CNTLN: variants seen among roughly 807,000 people sequenced by gnomAD.
The protein encoded by CNTLN is centlein, also known as centlein, centrosomal protein.
A neutral mutation model predicts 180.0 loss-of-function variants in CNTLN; 212 were observed. That is an observed-to-expected ratio of 1.18 (90% CI 1.05 to 1.32). The LOEUF is 1.32. Ranked by LOEUF, CNTLN falls within the 40% of genes most tolerant of loss-of-function variation. The pLI is 0.00. For synonymous variants in CNTLN, 722 were observed against 563.1 expected (o/e 1.28, Z -3.99); for missense variants, 2,095 against 1,610.9 (o/e 1.30, Z -5.14).
At chr9:17,223,889 T>C (rs1363377342) in intron 2 of CNTLN, among the ~76,000 whole-genome samples, 1 of 152,008 alleles carries the variant, frequency 6.6e-6, no homozygotes, top group African/African-American at 2.4e-5. Context: ...TTACTATAAA[T>C]GTGTGTACTT....
intron 2 of CNTLN, among the ~76,000 whole-genome samples, chr9:17,153,591 T>G (rs1017166732): frequency 1.3e-5 from 2 of 152,210 alleles, no homozygotes; most frequent in Non-Finnish European, 2.9e-5. Context: ...TTAACATTTT[T>G]TCTTTCATTT....
At position 17,321,892 on chromosome 9, in the gene CNTLN, G is replaced by A. The variant is rs111464743; in HGVS notation, c.1342-8740G>A. ...AATATCAATCTTATACTTTCTCTAG[G>A]TATCTTACTGTACAGGATCAAAATA... On this transcript the variant is annotated intron_variant, in intron 8 of 25. Transcript: ENST00000380647. Among the ~76,000 whole-genome samples the A allele has an allele frequency of 2.2e-3, 333 of 151,894 alleles. 1 individual carries two copies. Among genetic ancestry groups the A allele is most frequent in the African/African-American group, 7.6e-3 (317 of 41,444 alleles).
At chr9:17,273,908 ATTAG>A in intron 6 of CNTLN, 42 bp downstream of exon 6, 1 of 1,401,274 alleles carries the variant, frequency 7.1e-7, no homozygotes, top group Non-Finnish European at 9.7e-7. Flanking sequence ...TAGAAATGTC[ATTAG>A]TTATTCAGAA....
At chr9:17,506,569 T>G (rs1833936116), downstream of CNTLN, among the ~76,000 whole-genome samples, 1 of 152,180 alleles carries the variant, frequency 6.6e-6, no homozygotes. Context: ...CCCTTACTCA[T>G]CTACTGACAG....
At chr9:17,144,393 T>G (rs1818306128) in intron 2 of CNTLN, among the ~76,000 whole-genome samples, 1 of 152,178 alleles carries the variant, frequency 6.6e-6, no homozygotes. Flanking sequence ...TGAGATGAAA[T>G]GTGATCACTC....
Position 17,173,420 on chromosome 9 carries a change from CTTATT to C in CNTLN, c.449+30048_449+30052del, listed in dbSNP as rs35773417. Among the ~76,000 whole-genome samples, 985 of 152,178 alleles carry C rather than the reference CTTATT, an allele frequency of 6.5e-3. 9 individuals carry two copies. The highest frequency in any genetic ancestry group is 0.022 in the African/African-American group (907 of 41,522). On this transcript the variant is annotated intron_variant, in intron 2 of 25. Transcript: ENST00000380647. ...TCTACCATTTGATACCCTGATGCGTCTTATTTTAAGGAAACAATTTATGTAAAACT... is the reference window on the plus strand; with the variant it reads ...TCTACCATTTGATACCCTGATGCGTCTTAAGGAAACAATTTATGTAAAACT...
chr9:17,388,401 A>G, intron 14 of CNTLN, 148 bp downstream of exon 14: 1 of 571,622 alleles, frequency 1.7e-6, no homozygotes. Context: ...GCTTGCCAAA[A>G]TGGGGTAAAA....
intron 25 of CNTLN, among the ~76,000 whole-genome samples, chr9:17,487,715 C>T (rs1832962687): frequency 6.6e-6 from 1 of 152,018 alleles, no homozygotes; most frequent in Non-Finnish European, 1.5e-5. Context: ...AGTTGAAATC[C>T]CTGAGGGGTC....
intron 8 of CNTLN, among the ~76,000 whole-genome samples, chr9:17,328,358 C>G (rs1029806242): frequency 3.3e-5 from 5 of 152,152 alleles, no homozygotes; most frequent in African/African-American, 1.2e-4. Flanking sequence ...TTTGGACACT[C>G]TCCTTAGAAA....
chr9:17,419,414 G>C (rs1173765864), intron 18 of CNTLN, among the ~76,000 whole-genome samples: 1 of 152,014 alleles, frequency 6.6e-6, no homozygotes, highest in East Asian at 1.9e-4. Flanking sequence ...CGTTGCCACA[G>C]GTGTAAAGAT....
At chr9:17,197,649 G>T (rs546312836) in intron 2 of CNTLN, among the ~76,000 whole-genome samples, 20 of 152,166 alleles carry the variant, frequency 1.3e-4, no homozygotes, top group African/African-American at 4.8e-4. Flanking sequence ...ATTGTCAGAT[G>T]AGTAGTTTGC....
intron 2 of CNTLN, among the ~76,000 whole-genome samples, chr9:17,193,499 T>C (rs1022741222): frequency 1.3e-5 from 2 of 151,720 alleles, no homozygotes; most frequent in African/African-American, 4.8e-5. Flanking sequence ...GGCAGTCAAA[T>C]CTTAAACCTC....
chr9:17,183,794 T>C (rs936574401), intron 2 of CNTLN, among the ~76,000 whole-genome samples: 16 of 152,142 alleles, frequency 1.1e-4, no homozygotes, highest in African/African-American at 3.4e-4. Flanking sequence ...CATCCACTTA[T>C]TTGAAAATAC....
At chr9:17,426,735 C>T (rs2584553) in intron 18 of CNTLN, among the ~76,000 whole-genome samples, 64,152 of 151,784 alleles carry the variant, frequency 0.42, 15,862 homozygotes, top group Non-Finnish European at 0.55. Context: ...TTTCTGATTA[C>T]TTTGAGCCAG....
At chr9:17,412,580 A>G (rs1390786387) in intron 16 of CNTLN, among the ~76,000 whole-genome samples, 1 of 152,226 alleles carries the variant, frequency 6.6e-6, no homozygotes. Context: ...CAATAAATAA[A>G]TTACATGACA....
chr9:17,263,145 AG>A (rs763783940), intron 5 of CNTLN, among the ~76,000 whole-genome samples: 1 of 149,726 alleles, frequency 6.7e-6, no homozygotes, highest in Non-Finnish European at 1.5e-5. Flanking sequence ...GCACCCATTA[AG>A]TCGTCATTTA....
intron 6 of CNTLN, among the ~76,000 whole-genome samples, chr9:17,290,120 T>G (rs1372408965): frequency 6.6e-6 from 1 of 152,194 alleles, no homozygotes; most frequent in Non-Finnish European, 1.5e-5. Flanking sequence ...CTGTTCTGTT[T>G]TTTCCCCATC....
intron 5 of CNTLN, among the ~76,000 whole-genome samples, chr9:17,257,495 A>G (rs2132327565): frequency 6.6e-6 from 1 of 151,866 alleles, no homozygotes; most frequent in African/African-American, 2.4e-5. Context: ...TATACCCAGT[A>G]ATGGGATGGC....
intron 7 of CNTLN, chr9:17,302,171 C>G (rs2132837630): frequency 5.4e-6 from 5 of 925,096 alleles, no homozygotes; most frequent in African/African-American, 1.8e-5. Context: ...TTTTATGAAG[C>G]TATAACATCA....
Sources: allele counts gnomAD v4.1 joint callset (sites outside exome capture counted in the v4.1 genomes callset), GRCh38; gene constraint gnomAD v4.1.1; transcripts MANE v1.5; gene names NCBI Gene and HGNC (gene_info 2026-07-23, HGNC 2026-07-21).